The following UGCG variants were observed in gnomAD, a reference collection of about 807,000 sequenced individuals.
UGCG encodes the protein ceramide glucosyltransferase.
Under a neutral mutation model 49.5 loss-of-function variants are expected in UGCG, and 10 were observed. That is an observed-to-expected ratio of 0.20 (90% CI 0.12 to 0.34). The LOEUF (loss-of-function observed/expected upper bound fraction) is 0.34, where lower values mean the gene tolerates loss of function less well. Ranked by LOEUF, UGCG falls within the 10% of genes least tolerant of loss-of-function variation. The pLI, the probability that UGCG is intolerant of heterozygous loss-of-function variation, is 1.00. For missense variants in UGCG, 312 were observed against 483.7 expected (o/e 0.65, Z 3.33); for synonymous variants, 182 against 158.2 (o/e 1.15, Z -1.13).
chr9:111,932,574 T>C (rs1052348430), intron 8 of UGCG, among the ~76,000 whole-genome samples: 2 of 152,204 alleles, frequency 1.3e-5, no homozygotes. Flanking sequence ...TTTTATTAAG[T>C]TTCCAAAAAC....
rs1158033531 is a variant in UGCG, at chr9:111,926,486, C to T, written c.548C>T (p.Thr183Ile). The change falls in exon 5 of 9, where the codon ACC (threonine) becomes ATC (isoleucine). Residue 183 changes from threonine to isoleucine, a missense_variant. Thr to Ile is a moderately conservative substitution (Grantham distance 89). Around this residue, in one of 4 missense-constraint regions of UGCG, gnomAD observed 180 missense variants for 320.4 expected, o/e 0.56. Transcript: ENST00000374279. ...YVADRQGFAA[T>I]LEQVYFGTSH... ...GCAGACAGACAGGGCTTTGCTGCCA[C>T]CTTAGAGCAGGTGAGTATGGTGGTT... The T allele has an allele frequency of 6.2e-7, 1 of 1,608,016 alleles. No individual in the cohort carries two copies. The highest frequency in any genetic ancestry group is 1.3e-5 in the African/African-American group (1 of 74,678).
rs1838079467 is a variant in UGCG at position 111,914,656 on chromosome 9, C to T, written c.150C>T (p.Leu50=). The T allele has an allele frequency of 6.2e-7, 1 of 1,614,112 alleles. No individual in the cohort carries two copies. Among genetic ancestry groups the T allele is most frequent in the East Asian group, 2.2e-5 (1 of 44,860 alleles). The change falls in exon 2 of 9, where the codon CTC becomes CTT. Residue 50 remains leucine, a synonymous_variant. Coordinates refer to ENST00000374279, the MANE Select transcript of UGCG (RefSeq NM_003358.3). Reference sequence around the variant, plus strand: ...CTGACAAACAGCCTTATAGCAAGCTCCCAGGTGTCTCTCTTCTGAAACCAC... The same window carrying T: ...CTGACAAACAGCCTTATAGCAAGCTTCCAGGTGTCTCTCTTCTGAAACCAC... ...KATDKQPYSK[L]PGVSLLKPLK...
chr9:111,932,089 T>C (rs1439225224), intron 7 of UGCG, 81 bp from the exon 8 acceptor site: 2 of 1,418,012 alleles, frequency 1.4e-6, no homozygotes, highest in East Asian at 4.6e-5. Flanking sequence ...GGTAAAAAAA[T>C]TGATTATTTG....
chr9:111,917,447 T>G (rs1838131270), intron 2 of UGCG, among the ~76,000 whole-genome samples: 1 of 152,228 alleles, frequency 6.6e-6, no homozygotes, highest in Non-Finnish European at 1.5e-5. Flanking sequence ...AATAAACATT[T>G]ACGTGACTGC....
chr9:111,920,504 TACAGGTGTGTG>T (rs1838201502), intron 2 of UGCG, among the ~76,000 whole-genome samples: 1 of 152,086 alleles, frequency 6.6e-6, no homozygotes, highest in South Asian at 2.1e-4. Flanking sequence ...TAGCTGTGAT[TACAGGTGTGTG>T]CCACCATGCC....
chr9:111,908,256 T>C (rs1316722774), intron 1 of UGCG, among the ~76,000 whole-genome samples: 1 of 151,932 alleles, frequency 6.6e-6, no homozygotes, highest in African/African-American at 2.4e-5. Context: ...GTAACAAGAG[T>C]GAATACATGA....
At chr9:111,921,782 A>G (rs1238144708) in intron 2 of UGCG, among the ~76,000 whole-genome samples, 9 of 135,560 alleles carry the variant, frequency 6.6e-5, no homozygotes, top group Non-Finnish European at 1.4e-4. Context: ...TTCTCTTTTT[A>G]AAATAAATGC....
rs189983377 is a variant in UGCG at position 111,932,642 on chromosome 9, T to C, written c.1015-185T>C. ...TAATAAGACATTAAGATAGCAGTTA[T>C]TTTAATGCTTCATTAACAATTAGCA... On this transcript the variant is annotated intron_variant, in intron 8 of 8. Coordinates refer to ENST00000374279, the MANE Select transcript of UGCG (RefSeq NM_003358.3). 2.6e-5 allele frequency among the ~76,000 whole-genome samples: 4 copies of C among 152,360 alleles called. No individual in the cohort carries two copies. The East Asian group carries it at 5.8e-4, about 22-fold the overall frequency.
chr9:111,918,646 C>T (rs571516515), intron 2 of UGCG, among the ~76,000 whole-genome samples: 120 of 152,210 alleles, frequency 7.9e-4, no homozygotes, highest in African/African-American at 2.8e-3. Flanking sequence ...AAAATTAAAA[C>T]TTCAAGGCCG....
chr9:111,898,641 TA>T (rs1411699393), intron 1 of UGCG, among the ~76,000 whole-genome samples: 1 of 152,118 alleles, frequency 6.6e-6, no homozygotes, highest in Non-Finnish European at 1.5e-5. Context: ...TCTTTTTCTT[TA>T]AAAAAATTGT....
chr9:111,926,861 CTTTTTTTTTTTTTTTTTTT>C lies in UGCG; in HGVS notation c.558+376_558+394del, dbSNP rs56298523. Among the ~76,000 whole-genome samples the C allele has an allele frequency of 7.7e-4, 44 of 56,874 alleles. 1 individual carries two copies. The highest frequency in any genetic ancestry group is 2.3e-3 in the African/African-American group (39 of 17,086). 37.3% of individuals were successfully genotyped at this position (56,874 alleles called of 152,430 possible). ...GAACCGCTGGCCCCCTCCCCCCAGC[CTTTTTTTTTTTTTTTTTTT>C]TTTTTTTTTTGCGACAGAGCCTTGC... On this transcript the variant is annotated intron_variant, in intron 5 of 8. Transcript: ENST00000374279.
chr9:111,899,542 C>A (rs1360488755), intron 1 of UGCG, among the ~76,000 whole-genome samples: 2 of 152,064 alleles, frequency 1.3e-5, no homozygotes, highest in African/African-American at 4.8e-5. Context: ...CATTCTTTTC[C>A]CCAGTCTGTT....
intron 1 of UGCG, among the ~76,000 whole-genome samples, chr9:111,905,522 C>T (rs937670642): frequency 2.6e-5 from 4 of 151,460 alleles, no homozygotes; most frequent in Non-Finnish European, 5.9e-5. Context: ...GTGGCACAAT[C>T]TTGGCTCACT....
At position 111,933,044 on chromosome 9, in the gene UGCG, A is replaced by C. The variant is rs2078946482; in HGVS notation, c.*47A>C. ...TAAAGGAAAAAAGAGAAGTATTATA[A>C]ATTATGTTTATATAAATGCTTTTAA... On this transcript the variant is annotated 3_prime_UTR_variant, in exon 9 of 9. Coordinates refer to ENST00000374279, the MANE Select transcript of UGCG (RefSeq NM_003358.3). The C allele has an allele frequency of 7.3e-7, 1 of 1,374,412 alleles. No individual in the cohort carries two copies. 85.1% of individuals were successfully genotyped at this position (1,374,412 alleles called of 1,614,324 possible). A position where few individuals can be genotyped will look rare whatever the true frequency, so the allele number is the denominator to read the frequency against.
chr9:111,915,931 G>T, intron 2 of UGCG: 1 of 691,524 alleles, frequency 1.4e-6, no homozygotes, highest in African/African-American at 2.0e-5. Context: ...TGGAGTATTG[G>T]AAGCTGTTTT....
At chr9:111,908,647 A>G (rs764767590) in intron 1 of UGCG, among the ~76,000 whole-genome samples, 17 of 152,384 alleles carry the variant, frequency 1.1e-4, no homozygotes, top group Non-Finnish European at 2.2e-4. Flanking sequence ...ATAGGAAGGT[A>G]AGAACTGGAT....
chr9:111,912,029 G>GATATATATAGATATAT (rs1838019299), intron 1 of UGCG, among the ~76,000 whole-genome samples: 1 of 64,596 alleles, frequency 1.5e-5, no homozygotes, highest in Non-Finnish European at 2.8e-5. Flanking sequence ...TATTCAACAG[G>GATATATATAGATATAT]ATATATATAT....
chr9:111,919,361 T>C (rs1260704060), intron 2 of UGCG, among the ~76,000 whole-genome samples: 1 of 152,108 alleles, frequency 6.6e-6, no homozygotes, highest in Non-Finnish European at 1.5e-5. Context: ...TGCACACCTA[T>C]AGTCCCAGCT....
intron 2 of UGCG, among the ~76,000 whole-genome samples, chr9:111,918,164 C>T (rs1422758067): frequency 6.6e-6 from 1 of 152,132 alleles, no homozygotes; most frequent in Admixed American, 6.5e-5. Flanking sequence ...GTGTCAGCCT[C>T]CCGAGAAGTT....
Sources: allele counts gnomAD v4.1 joint callset (sites outside exome capture counted in the v4.1 genomes callset), GRCh38; gene constraint gnomAD v4.1.1; regional missense constraint gnomAD v4.1.1; transcripts MANE v1.5; gene names NCBI Gene and HGNC (gene_info 2026-07-23, HGNC 2026-07-21).